Variants in IL1R1 observed in about 807,000 individuals in gnomAD.
IL1R1 encodes interleukin-1 receptor type 1.
In IL1R1, 22 loss-of-function variants were observed where a neutral mutation model predicts 50.2. The ratio of observed to expected loss-of-function variants is 0.44; its 90% CI spans 0.31 to 0.63. IL1R1 has a LOEUF of 0.63. Among genes scored for constraint, IL1R1 ranks in the 20% least tolerant of loss-of-function variants. The probability of loss-of-function intolerance (pLI) is 0.07; values close to 1 mark genes in which losing one functional copy is unlikely to be tolerated. For synonymous variants in IL1R1, 251 were observed against 236.7 expected (o/e 1.06, Z -0.55); for missense variants, 509 against 676.2 (o/e 0.75, Z 2.74).
intron 1 of IL1R1, among the ~76,000 whole-genome samples, chr2:102,150,855 A>G (rs974727182): frequency 2.0e-5 from 3 of 152,200 alleles, no homozygotes; most frequent in Admixed American, 2.0e-4. Flanking sequence ...CACATAACAT[A>G]GATATCCTTG....
At chr2:102,072,993 T>C (rs566778134) in intron 1 of IL1R1, among the ~76,000 whole-genome samples, 2 of 152,278 alleles carry the variant, frequency 1.3e-5, no homozygotes, top group African/African-American at 4.8e-5. Flanking sequence ...GAAACTCCCT[T>C]TCTCTTTGGG....
chr2:102,110,654 A>C (rs1407358489), intron 1 of IL1R1, among the ~76,000 whole-genome samples: 1 of 151,584 alleles, frequency 6.6e-6, no homozygotes, highest in Non-Finnish European at 1.5e-5. Context: ...TGGCAAATAC[A>C]ACAGTCTGAC....
intron 1 of IL1R1, among the ~76,000 whole-genome samples, chr2:102,082,580 G>A (rs996539953): frequency 5.3e-5 from 8 of 152,156 alleles, no homozygotes; most frequent in African/African-American, 1.9e-4. Context: ...AGGTGATAAC[G>A]GAAGTAGTGG....
upstream of IL1R1, among the ~76,000 whole-genome samples, chr2:102,138,151 T>C (rs780215950): frequency 2.0e-5 from 3 of 152,210 alleles, no homozygotes; most frequent in African/African-American, 2.4e-5. Flanking sequence ...GTTCAGTTCC[T>C]GGTGCTTCAA....
chr2:102,105,092 G>A (rs1055681942), intron 1 of IL1R1, among the ~76,000 whole-genome samples: 3 of 152,142 alleles, frequency 2.0e-5, no homozygotes, highest in African/African-American at 7.2e-5. Context: ...AGTCATATTA[G>A]GAGAACGACT....
At chr2:102,125,856 C>T (rs762631077) in intron 1 of IL1R1, among the ~76,000 whole-genome samples, 31 of 152,196 alleles carry the variant, frequency 2.0e-4, no homozygotes, top group Non-Finnish European at 3.7e-4. Flanking sequence ...CAATAAGACA[C>T]GGAATTTGAA....
chr2:102,169,717 T>A (rs1685507373), intron 7 of IL1R1, among the ~76,000 whole-genome samples: 1 of 152,236 alleles, frequency 6.6e-6, no homozygotes, highest in South Asian at 2.1e-4. Flanking sequence ...TGGAAGGTGG[T>A]AGAAAGACAT....
chr2:102,110,155 T>G (rs34187313), intron 1 of IL1R1, among the ~76,000 whole-genome samples: 42,442 of 152,006 alleles, frequency 0.28, 6,812 homozygotes, highest in African/African-American at 0.45. Flanking sequence ...TAATAGTTTC[T>G]AGTTTTTTCT....
Position 102,090,131 on chromosome 2 carries a change from G to C in IL1R1, c.-84+19598G>C, listed in dbSNP as rs534652001. ...TTACAGGCATGAGCCACTGCGCCCAGCCTATCCTTTTTTTTTCAATTTTTT... is the reference window on the plus strand; with the variant it reads ...TTACAGGCATGAGCCACTGCGCCCACCCTATCCTTTTTTTTTCAATTTTTT... On this transcript the variant is annotated intron_variant, in intron 1 of 11. Transcript: ENST00000409929. 3.0e-3 allele frequency among the ~76,000 whole-genome samples: 448 copies of C among 151,134 alleles called. 1 individual carries two copies. Among genetic ancestry groups the C allele is most frequent in the African/African-American group, 0.01 (426 of 41,148 alleles).
intron 1 of IL1R1, among the ~76,000 whole-genome samples, chr2:102,083,212 T>C (rs1679290756): frequency 6.6e-6 from 1 of 152,254 alleles, no homozygotes. Flanking sequence ...ATTCATGCAC[T>C]GACTCATTTC....
rs187555439 is a variant in IL1R1, at chr2:102,164,441, G to A, written c.62-333G>A. ...TTTTGTCCATTTTTTAGTTGTTCAT[G>A]TGGGAAGGTAAATCCAGTTTCTATT... On this transcript the variant is annotated intron_variant, in intron 3 of 11. Transcript: ENST00000410023. Among the ~76,000 whole-genome samples, 138 of 152,198 alleles carry A rather than the reference G, an allele frequency of 9.1e-4. 1 individual carries two copies. Among genetic ancestry groups the A allele is most frequent in the African/African-American group, 3.3e-3 (135 of 41,528 alleles).
At chr2:102,154,235 C>T (rs1683958307) in intron 2 of IL1R1, among the ~76,000 whole-genome samples, 1 of 152,218 alleles carries the variant, frequency 6.6e-6, no homozygotes, top group Non-Finnish European at 1.5e-5. Context: ...TGTTTGCTTT[C>T]CCAGGTCACC....
chr2:102,146,444 G>T (rs1683130209), intron 1 of IL1R1, among the ~76,000 whole-genome samples: 1 of 152,208 alleles, frequency 6.6e-6, no homozygotes, highest in Non-Finnish European at 1.5e-5. Flanking sequence ...ATTTCAGTGT[G>T]CAGATGCTTG....
rs751286025 is a variant in IL1R1 at position 102,174,624 on chromosome 2, C to G, written c.1029C>G (p.Val343=). 6.2e-6 allele frequency: 10 copies of G among 1,608,918 alleles called. No individual in the cohort carries two copies. In the South Asian group the frequency reaches 1.1e-4, roughly 18 times the overall value. ...AGAAGCACATGATTGGTATATGTGT[C>G]ACGTTGACAGTCATAATTGTGTGTT... ...NFQKHMIGIC[V]TLTVIIVCSV... is the part of the protein sequence containing the mutation. The change falls in exon 10 of 12, where the codon GTC becomes GTG. Residue 343 remains valine (V), a synonymous_variant. Coordinates refer to ENST00000410023, the MANE Select transcript of IL1R1 (RefSeq NM_000877.4).
rs1392012562 is a variant in IL1R1, at chr2:102,178,682, C to T, written c.*1923C>T. ...TTTATTCAAGACACCAAATTCCAAA[C>T]TTCTAAATGTTGGAATTTTCAAAAA... On this transcript the variant is annotated 3_prime_UTR_variant, in exon 12 of 12. Transcript: ENST00000410023. 6.6e-6 allele frequency: 1 copy of T among 152,286 alleles called. No individual in the cohort carries two copies. Among genetic ancestry groups the T allele is most frequent in the East Asian group, 1.9e-4 (1 of 5,326 alleles). The allele number at this position is 152,286 out of a possible 1,614,324, so 9.4% of individuals were successfully genotyped here.
chr2:102,162,785 ACACT>A (rs1380108116), intron 3 of IL1R1, among the ~76,000 whole-genome samples: 1 of 151,908 alleles, frequency 6.6e-6, no homozygotes, highest in Non-Finnish European at 1.5e-5. Context: ...TTTTATTTAA[ACACT>A]CAGTTTTCTT....
chr2:102,158,502 G>T (rs544340035), intron 3 of IL1R1, among the ~76,000 whole-genome samples: 2 of 152,334 alleles, frequency 1.3e-5, no homozygotes, highest in South Asian at 2.1e-4. Context: ...AAGGGGAAAA[G>T]AGAGCTATTT....
At chr2:102,134,159 A>C (rs1682205096) in intron 1 of IL1R1, among the ~76,000 whole-genome samples, 1 of 152,214 alleles carries the variant, frequency 6.6e-6, no homozygotes, top group Non-Finnish European at 1.5e-5. Context: ...AAAAACAGGA[A>C]TAAATCTGGC....
chr2:102,152,763 G>C (rs1683806726), intron 1 of IL1R1, among the ~76,000 whole-genome samples: 1 of 152,066 alleles, frequency 6.6e-6, no homozygotes, highest in Non-Finnish European at 1.5e-5. Context: ...TCTCCCCTTT[G>C]AGTTTCTGCT....
Sources: gnomAD v4.1 joint callset for allele counts (sites outside exome capture counted in the v4.1 genomes callset) on GRCh38, gnomAD v4.1.1 for gene constraint, MANE v1.5 for transcripts, NCBI Gene and HGNC (gene_info 2026-07-23, HGNC 2026-07-21) for gene names.